The following UPF1 variants were observed in gnomAD, a reference collection of about 807,000 sequenced individuals.
UPF1 encodes UPF1 RNA helicase and ATPase.
Under a neutral mutation model 129.2 loss-of-function variants are expected in UPF1, and 9 were observed. The ratio of observed to expected loss-of-function variants is 0.07; its 90% confidence interval spans 0.04 to 0.12. The LOEUF is 0.12. Among genes scored for constraint, UPF1 ranks in the 10% least tolerant of loss-of-function variants. The probability of loss-of-function intolerance (pLI) is 1.00; values close to 1 mark genes in which losing one functional copy is unlikely to be tolerated. For missense variants in UPF1, 788 were observed against 1,525.3 expected (o/e 0.52, Z 8.05); for synonymous variants, 649 against 644.9 (o/e 1.01, Z -0.10).
Position 18,851,170 on chromosome 19 carries a change from T to C in UPF1, c.810+302T>C. On this transcript the variant is annotated intron_variant, in intron 5 of 23. Transcript: ENST00000262803. The surrounding 1 kb of genome is among the most constrained non-coding windows in gnomAD (Gnocchi z 4.2). ...GGGAGGGGAAGAATGGGGCTGGCTG[T>C]GGGCAGACTTGTCCTGCAGAGCCTG... 1 of 273,502 alleles carries C rather than the reference T, an allele frequency of 3.7e-6. No individual in the cohort carries two copies. The highest frequency in any genetic ancestry group is 7.0e-6 in the Non-Finnish European group (1 of 142,020). 16.9% of individuals were successfully genotyped at this position (273,502 alleles called of 1,614,324 possible).
At chr19:18,842,118 G>A (rs1032766557) in intron 1 of UPF1, among the ~76,000 whole-genome samples, 1 of 152,076 alleles carries the variant, frequency 6.6e-6, no homozygotes, top group Non-Finnish European at 1.5e-5. Flanking sequence ...GGAATGGAGA[G>A]CCTGGGGACC....
At chr19:18,844,849 A>G (rs2145943045) in intron 1 of UPF1, among the ~76,000 whole-genome samples, 1 of 152,356 alleles carries the variant, frequency 6.6e-6, no homozygotes, top group Non-Finnish European at 1.5e-5. Context: ...TATTTTTGAA[A>G]TTAATGTTTT....
Position 18,865,146 on chromosome 19 carries a change from G to A in UPF1, c.2858-143G>A. The A allele has an allele frequency of 1.9e-6, 2 of 1,058,676 alleles. No individual in the cohort carries two copies. Among genetic ancestry groups the A allele is most frequent in the Non-Finnish European group, 2.7e-6 (2 of 747,046 alleles). 65.6% of individuals were successfully genotyped at this position (1,058,676 alleles called of 1,614,324 possible). ...CAGGCAGGCTGCTGTAGTTAACATGGAGTCCTGCGAATCCGCATCTTCAGC... is the reference window on the plus strand; with the variant it reads ...CAGGCAGGCTGCTGTAGTTAACATGAAGTCCTGCGAATCCGCATCTTCAGC... On this transcript the variant is annotated intron_variant, in intron 20 of 23. Coordinates refer to ENST00000262803, the MANE Select transcript of UPF1 (RefSeq NM_002911.4). This position sits in a 1 kb window ranked among gnomAD's most constrained non-coding sequence, Gnocchi z 6.1.
At chr19:18,854,202 A>T (rs1424696695) in intron 8 of UPF1, among the ~76,000 whole-genome samples, 1 of 152,164 alleles carries the variant, frequency 6.6e-6, no homozygotes, top group Non-Finnish European at 1.5e-5. Context: ...GGGTTCTGCG[A>T]GCTCTGCCTG....
chr19:18,849,038 AAGC>A (rs1476584906), intron 3 of UPF1: 1 of 152,314 alleles, frequency 6.6e-6, no homozygotes, highest in Non-Finnish European at 1.5e-5. Flanking sequence ...GAAGGTGAGG[AAGC>A]AGCCGCTGGC....
chr19:18,846,248 G>A (rs542357900), intron 2 of UPF1, 129 bp downstream of exon 2: 14 of 1,380,700 alleles, frequency 1.0e-5, no homozygotes, highest in Admixed American at 9.5e-5. Flanking sequence ...CGGTGTCCTC[G>A]GGAGTAAGGA....
At chr19:18,833,985 T>C (rs146306387) in intron 1 of UPF1, among the ~76,000 whole-genome samples, 1 of 152,284 alleles carries the variant, frequency 6.6e-6, no homozygotes, top group Non-Finnish European at 1.5e-5. Context: ...TGGGTGTTTT[T>C]TTCAGTTTTG....
intron 1 of UPF1, among the ~76,000 whole-genome samples, chr19:18,836,758 T>TC (rs1450664365): frequency 1.3e-5 from 2 of 151,150 alleles, no homozygotes; most frequent in African/African-American, 4.9e-5. Flanking sequence ...CATTTTTTTT[T>TC]TTTTTTTTTT....
intron 23 of UPF1, 134 bp downstream of exon 23, chr19:18,866,300 CTCAGGGCCAGCT>C: frequency 7.4e-7 from 1 of 1,343,308 alleles, no homozygotes; most frequent in Non-Finnish European, 9.7e-7. Context: ...GTCATAGGCC[CTCAGGGCCAGCT>C]TGGCCTGTGC....
chr19:18,857,680 T>A, intron 15 of UPF1, 147 bp downstream of exon 15: 3 of 933,444 alleles, frequency 3.2e-6, no homozygotes, highest in Non-Finnish European at 4.7e-6. Flanking sequence ...GTGCCCAAGG[T>A]CTTGATGGTA....
intron 3 of UPF1, chr19:18,849,139 G>C (rs1052960730): frequency 6.6e-6 from 1 of 152,398 alleles, no homozygotes; most frequent in African/African-American, 2.4e-5. Flanking sequence ...CAGGGCTCCA[G>C]AGTGGAGTCG....
intron 20 of UPF1, among the ~76,000 whole-genome samples, chr19:18,864,733 GTTTT>G (rs10682791): frequency 9.5e-5 from 7 of 73,556 alleles, no homozygotes; most frequent in Non-Finnish European, 1.4e-4. Flanking sequence ...ATTTGCAGGT[GTTTT>G]TTTTTTTTTT....
chr19:18,846,987 G>T (rs953538207), intron 2 of UPF1, among the ~76,000 whole-genome samples: 7 of 152,232 alleles, frequency 4.6e-5, no homozygotes, highest in Non-Finnish European at 7.3e-5. Flanking sequence ...GTCACGGCAG[G>T]TTTGGGCCTG....
At chr19:18,861,088 G>C in intron 17 of UPF1, 106 bp downstream of exon 17, 2 of 1,424,532 alleles carry the variant, frequency 1.4e-6, no homozygotes, top group South Asian at 2.8e-5. Context: ...CTGGAGCTCA[G>C]AATGGCCCAG....
rs1175515725 is a variant in UPF1 at position 18,865,438 on chromosome 19, G to A, written c.3007G>A (p.Gly1003Arg). The stretch of plus-strand genomic sequence containing the variant: ...GCCTGGCTATTTTGGACAAGCCAAC[G>A]GGCCTGCTGCAGGTGAGCATCTGTG... ...PPPGYFGQAN[G>R]PAAGRGTPKG... The change falls in exon 21 of 24, where the codon GGG becomes AGG. Residue 1003 changes from glycine to arginine, a missense_variant. Coordinates refer to ENST00000262803, the MANE Select transcript of UPF1 (RefSeq NM_002911.4). The surrounding 1 kb of genome is among the most constrained non-coding windows in gnomAD (Gnocchi z 6.1). The A allele has an allele frequency of 1.9e-6, 3 of 1,613,370 alleles. No homozygotes were observed. Among genetic ancestry groups the A allele is most frequent in the South Asian group, 1.1e-5 (1 of 91,074 alleles).
intron 1 of UPF1, among the ~76,000 whole-genome samples, chr19:18,844,450 A>G (rs1261489451): frequency 4.6e-5 from 7 of 151,034 alleles, no homozygotes; most frequent in African/African-American, 1.7e-4. Flanking sequence ...CAGCCTCCCA[A>G]GTAGCTGAGA....
chr19:18,864,820 A>G (rs769671853), intron 20 of UPF1, among the ~76,000 whole-genome samples: 3 of 133,104 alleles, frequency 2.3e-5, no homozygotes, highest in Non-Finnish European at 3.1e-5. Flanking sequence ...GCTCACTGCA[A>G]CCTCCCCCTC....
chr19:18,861,328 C>G (rs1378025139), intron 17 of UPF1, among the ~76,000 whole-genome samples: 1 of 152,208 alleles, frequency 6.6e-6, no homozygotes, highest in African/African-American at 2.4e-5. Flanking sequence ...CTGTGGAGAC[C>G]GTGGTGTTCA....
chr19:18,860,125 C>A, intron 15 of UPF1, 196 bp from the exon 16 acceptor site: 2 of 629,064 alleles, frequency 3.2e-6, no homozygotes, highest in Non-Finnish European at 2.8e-6. Flanking sequence ...TCGGTGGCCT[C>A]TCCTCAGCCT....
Sources: gnomAD v4.1 joint callset for allele counts (sites outside exome capture counted in the v4.1 genomes callset) on GRCh38, gnomAD v4.1.1 for gene constraint, Gnocchi (gnomAD v3.1) non-coding constraint, MANE v1.5 for transcripts, NCBI Gene and HGNC (gene_info 2026-07-23, HGNC 2026-07-21) for gene names.